KCNMA1: variants seen among roughly 807,000 people sequenced by gnomAD.
The protein encoded by KCNMA1 is Calcium-activated potassium channel subunit alpha-1.
A neutral mutation model predicts 140.0 loss-of-function variants in KCNMA1; 29 were observed. The observed-to-expected ratio is 0.21, with a 90% CI of 0.15 to 0.28. The LOEUF (loss-of-function observed/expected upper bound fraction) is 0.28, where lower values mean the gene tolerates loss of function less well. KCNMA1 is among the 10% of genes least tolerant of loss of function. KCNMA1 has a pLI of 1.00. For missense variants in KCNMA1, 880 were observed against 1,602.2 expected, an observed-to-expected ratio of 0.55 and a Z score of 7.70; for synonymous variants, 612 against 611.9, an observed-to-expected ratio of 1.00 and a Z score of 0.00.
chr10:77,436,126 T>C (rs555908565), intron 1 of KCNMA1, among the ~76,000 whole-genome samples: 4 of 152,316 alleles, frequency 2.6e-5, no homozygotes, highest in Admixed American at 6.5e-5. Flanking sequence ...TAAGACCTGC[T>C]GGGGGAAGCT....
intron 3 of KCNMA1, among the ~76,000 whole-genome samples, chr10:77,191,447 G>A (rs1484398776): frequency 6.6e-6 from 1 of 152,086 alleles, no homozygotes; most frequent in Non-Finnish European, 1.5e-5. Context: ...TATTCTTTTG[G>A]TTTTCTTCAT....
intron 2 of KCNMA1, among the ~76,000 whole-genome samples, chr10:77,395,244 G>A (rs1008798924): frequency 6.6e-6 from 1 of 152,002 alleles, no homozygotes; most frequent in Non-Finnish European, 1.5e-5. Flanking sequence ...CAGCTATCAG[G>A]GAGGCTGAGG....
chr10:77,175,462 T>TA lies in KCNMA1; in HGVS notation c.808+7958dup, dbSNP rs2098744421. On this transcript the variant is annotated intron_variant, in intron 5 of 27. Coordinates refer to ENST00000286628, the MANE Select transcript of KCNMA1 (RefSeq NM_001161352.2). ...CTCACTCATTCATTCATTCAACAAG[T>TA]ATGAACTATGTGTCAGGCACTGTTC... Among the ~76,000 whole-genome samples, 3 of 152,346 alleles carry TA rather than the reference T, an allele frequency of 2.0e-5. No homozygotes were observed. In the South Asian group the frequency reaches 6.2e-4, roughly 32 times the overall value.
chr10:77,589,491 G>C, intron 1 of KCNMA1, among the ~76,000 whole-genome samples: 1 of 151,984 alleles, frequency 6.6e-6, no homozygotes, highest in East Asian at 1.9e-4. Flanking sequence ...TGTCAATTAA[G>C]GAATAAAAAT....
chr10:77,248,940 G>A (rs964071898), intron 3 of KCNMA1, among the ~76,000 whole-genome samples: 6 of 152,176 alleles, frequency 3.9e-5, no homozygotes, highest in East Asian at 3.9e-4. Flanking sequence ...CAGAATCTTC[G>A]GATATGCTCT....
intron 1 of KCNMA1, among the ~76,000 whole-genome samples, chr10:77,406,324 A>C (rs2096470887): frequency 1.3e-5 from 2 of 152,078 alleles, no homozygotes; most frequent in South Asian, 4.1e-4. Context: ...GGACCTCAAT[A>C]AGATGGGGAC....
At chr10:77,021,068 T>C (rs1222054322) in intron 16 of KCNMA1, 1 of 152,150 alleles carries the variant, frequency 6.6e-6, no homozygotes, top group Non-Finnish European at 1.5e-5. Context: ...TTATCACAGA[T>C]TTTCTCTAGC....
rs369657193 is a variant in KCNMA1 at position 77,587,843 on chromosome 10, G to C, written c.378+49422C>G. ...TTATCTCACCGACAGATCATCTCAC[G>C]GCCCCAGTCTTCAGATATATGTGCC... is the stretch of plus-strand genomic sequence containing the variant. On this transcript the variant is annotated intron_variant, in intron 1 of 27. Coordinates refer to ENST00000286628, the MANE Select transcript of KCNMA1 (RefSeq NM_001161352.2). The C allele has an allele frequency of 2.7e-5, 27 of 985,274 alleles. No homozygotes were observed. The African/African-American group carries it at 4.5e-4, about 17-fold the overall frequency. The allele number at this position is 985,274 out of a possible 1,614,324, so 61.0% of individuals were successfully genotyped here. A position where few individuals can be genotyped will look rare whatever the true frequency, so the allele number is the denominator to read the frequency against.
intron 23 of KCNMA1, among the ~76,000 whole-genome samples, chr10:76,924,677 T>C (rs1292676521): frequency 6.6e-6 from 1 of 152,108 alleles, no homozygotes; most frequent in African/African-American, 2.4e-5. Flanking sequence ...AGTTCTGAGA[T>C]GGAAGTGATC....
At chr10:77,164,256 G>A (rs1331460184) in intron 5 of KCNMA1, among the ~76,000 whole-genome samples, 1 of 152,194 alleles carries the variant, frequency 6.6e-6, no homozygotes, top group Non-Finnish European at 1.5e-5. Context: ...TGCTGACAGT[G>A]AATGGGAGTA....
chr10:77,119,058 C>T (rs912637780), intron 6 of KCNMA1, among the ~76,000 whole-genome samples: 1 of 152,208 alleles, frequency 6.6e-6, no homozygotes, highest in Non-Finnish European at 1.5e-5. Flanking sequence ...CAGCCTTCCA[C>T]CCCGTGACTC....
chr10:77,096,422 C>T (rs2096933968), intron 9 of KCNMA1, among the ~76,000 whole-genome samples: 1 of 152,142 alleles, frequency 6.6e-6, no homozygotes, highest in Non-Finnish European at 1.5e-5. Context: ...TAACTGATTT[C>T]CCTATTTACT....
intron 9 of KCNMA1, among the ~76,000 whole-genome samples, chr10:77,103,154 T>C (rs1399125195): frequency 6.6e-6 from 1 of 152,238 alleles, no homozygotes; most frequent in Admixed American, 6.5e-5. Context: ...CTCTTTAAAA[T>C]ATGAGCATTT....
At chr10:77,128,320 T>A (rs2097782928) in intron 5 of KCNMA1, among the ~76,000 whole-genome samples, 1 of 152,048 alleles carries the variant, frequency 6.6e-6, no homozygotes, top group Admixed American at 6.5e-5. Flanking sequence ...CCCCATGAAT[T>A]CTAAAATATA....
intron 2 of KCNMA1, among the ~76,000 whole-genome samples, chr10:77,326,171 A>C (rs2084119589): frequency 6.6e-6 from 1 of 152,060 alleles, no homozygotes; most frequent in Non-Finnish European, 1.5e-5. Flanking sequence ...AACTTCCCTC[A>C]CTGCAAAAAT....
intron 3 of KCNMA1, among the ~76,000 whole-genome samples, chr10:77,219,271 G>A (rs964255119): frequency 5.9e-5 from 9 of 152,232 alleles, no homozygotes; most frequent in Admixed American, 2.0e-4. Context: ...CAATCGTGAC[G>A]ACATGCTTCT....
chr10:76,971,732 T>C (rs1271123575), intron 19 of KCNMA1, among the ~76,000 whole-genome samples: 1 of 152,086 alleles, frequency 6.6e-6, no homozygotes, highest in East Asian at 1.9e-4. Flanking sequence ...TGGGATGATA[T>C]CGCATCTTAT....
At chr10:77,449,213 T>A (rs1188341363) in intron 1 of KCNMA1, among the ~76,000 whole-genome samples, 1 of 152,110 alleles carries the variant, frequency 6.6e-6, no homozygotes, top group Non-Finnish European at 1.5e-5. Context: ...ATAAAAAAGC[T>A]GCCTTTATTT....
chr10:77,112,767 G>A (rs1447408314), intron 6 of KCNMA1, among the ~76,000 whole-genome samples: 1 of 151,964 alleles, frequency 6.6e-6, no homozygotes, highest in Non-Finnish European at 1.5e-5. Flanking sequence ...ATTTTACCAC[G>A]GGTGCTTTAT....
Sources: allele counts gnomAD v4.1 joint callset (sites outside exome capture counted in the v4.1 genomes callset), GRCh38; gene constraint gnomAD v4.1.1; transcripts MANE v1.5; gene names NCBI Gene and HGNC (gene_info 2026-07-23, HGNC 2026-07-21).